The following NGEF variants were observed in gnomAD, a reference collection of about 807,000 sequenced individuals.
NGEF encodes ephexin-1.
NGEF carries 31 observed loss-of-function variants against 80.9 expected under a neutral mutation model. The ratio of observed to expected loss-of-function variants is 0.38; its 90% CI spans 0.29 to 0.52. The LOEUF is 0.52. Among genes scored for constraint, NGEF ranks in the 20% least tolerant of loss-of-function variants. The pLI is 0.84. For missense variants in NGEF, 709 were observed against 926.2 expected, an observed-to-expected ratio of 0.77 and a Z score of 3.04; for synonymous variants, 371 against 370.2, an observed-to-expected ratio of 1.00 and a Z score of -0.03.
chr2:232,906,235 C>T (rs1226471175), intron 5 of NGEF, among the ~76,000 whole-genome samples: 2 of 97,106 alleles, frequency 2.1e-5, no homozygotes, highest in African/African-American at 4.3e-5. Flanking sequence ...GTCAGCCCCC[C>T]GCCCGGCCAG....
chr2:232,910,069 T>C (rs1692659686), intron 5 of NGEF, among the ~76,000 whole-genome samples: 1 of 152,144 alleles, frequency 6.6e-6, no homozygotes, highest in Non-Finnish European at 1.5e-5. Flanking sequence ...GCAATTTTGG[T>C]CTCCAGGGGA....
chr2:232,894,012 C>T (rs920321086), intron 6 of NGEF, among the ~76,000 whole-genome samples: 5 of 152,186 alleles, frequency 3.3e-5, no homozygotes, highest in Non-Finnish European at 5.9e-5. Context: ...CTGCTCAGAG[C>T]GGGGCTGCGC....
At chr2:232,959,730 C>T (rs1160271138) in intron 3 of NGEF, among the ~76,000 whole-genome samples, 1 of 152,120 alleles carries the variant, frequency 6.6e-6, no homozygotes, top group Non-Finnish European at 1.5e-5. Flanking sequence ...CAGGCACGCG[C>T]CACCATGCCT....
intron 4 of NGEF, among the ~76,000 whole-genome samples, chr2:232,923,468 G>T (rs972260048): frequency 1.3e-5 from 2 of 152,138 alleles, no homozygotes; most frequent in Admixed American, 1.3e-4. Flanking sequence ...CAGTGCAGTG[G>T]CTCACGCCTG....
chr2:232,891,697 G>C (rs1691889881), intron 7 of NGEF, among the ~76,000 whole-genome samples: 1 of 152,248 alleles, frequency 6.6e-6, no homozygotes, highest in African/African-American at 2.4e-5. Flanking sequence ...TGGCCTTGAA[G>C]ACTTGGCACA....
chr2:232,893,499 C>G (rs954999412), intron 6 of NGEF, among the ~76,000 whole-genome samples: 2 of 152,134 alleles, frequency 1.3e-5, no homozygotes, highest in Non-Finnish European at 1.5e-5. Context: ...CAGGGCCAGG[C>G]GCAGTGGCTC....
chr2:232,971,044 C>A (rs75194704), intron 2 of NGEF, among the ~76,000 whole-genome samples: 2,660 of 148,592 alleles, frequency 0.018, 80 homozygotes, highest in African/African-American at 0.064. Context: ...ATAATAAGTC[C>A]AGTTAGCCTC....
rs150493492 is a variant in NGEF, at chr2:233,007,779, T to A, written c.-75+5289A>T. Among the ~76,000 whole-genome samples, 936 of 152,330 alleles carry A rather than the reference T, an allele frequency of 6.1e-3. 5 individuals are homozygous for A. Among genetic ancestry groups the A allele is most frequent in the Non-Finnish European group, 8.6e-3 (582 of 68,038 alleles). On this transcript the variant is annotated intron_variant, in intron 1 of 14. Transcript: ENST00000264051. Reference sequence around the variant, plus strand: ...GGAACCCAAGGTGGCCAATGGCGAATGACTTTGCTCTTGATTTAGGAATGC... The same window carrying A: ...GGAACCCAAGGTGGCCAATGGCGAAAGACTTTGCTCTTGATTTAGGAATGC...
intron 5 of NGEF, among the ~76,000 whole-genome samples, chr2:232,903,646 T>A (rs1692418612): frequency 6.6e-6 from 1 of 152,234 alleles, no homozygotes; most frequent in Admixed American, 6.5e-5. Context: ...TATTGGTATT[T>A]GCTTTCTAAC....
At chr2:232,973,905 T>C (rs1694242466) in intron 2 of NGEF, among the ~76,000 whole-genome samples, 1 of 152,144 alleles carries the variant, frequency 6.6e-6, no homozygotes, top group Non-Finnish European at 1.5e-5. Flanking sequence ...AGTCTCTGGA[T>C]TTAGCAGGGG....
At chr2:232,969,601 C>A (rs112580473) in intron 3 of NGEF, among the ~76,000 whole-genome samples, 1 of 150,666 alleles carries the variant, frequency 6.6e-6, no homozygotes. Context: ...CTCCACATCC[C>A]GGGTTCAATC....
chr2:232,989,434 G>T (rs560796560), intron 1 of NGEF, among the ~76,000 whole-genome samples: 3 of 152,184 alleles, frequency 2.0e-5, no homozygotes, highest in Non-Finnish European at 4.4e-5. Flanking sequence ...GCAACAGAGT[G>T]AGACTCTGCC....
chr2:232,953,107 G>A (rs189507752), intron 3 of NGEF, among the ~76,000 whole-genome samples: 1 of 151,226 alleles, frequency 6.6e-6, no homozygotes, highest in South Asian at 2.1e-4. Flanking sequence ...TTCGAGACCA[G>A]CCTGACCAAG....
chr2:232,891,920 G>A (rs1388694124), intron 7 of NGEF, among the ~76,000 whole-genome samples: 1 of 152,182 alleles, frequency 6.6e-6, no homozygotes. Flanking sequence ...GCGCTGATGA[G>A]GGCTGGGAGA....
At chr2:232,916,969 C>T (rs73102747) in intron 5 of NGEF, among the ~76,000 whole-genome samples, 5,713 of 152,302 alleles carry the variant, frequency 0.038, 384 homozygotes, top group African/African-American at 0.13. Context: ...ATCCACCAGG[C>T]GCTCAGGGCA....
intron 5 of NGEF, among the ~76,000 whole-genome samples, chr2:232,900,680 A>ACTCATATACAC (rs1692317089): frequency 7.8e-6 from 1 of 128,694 alleles, no homozygotes; most frequent in African/African-American, 3.5e-5. Context: ...ACACGCTCTC[A>ACTCATATACAC]GTCACTCATA....
At chr2:232,983,790 G>A (rs1300304875) in intron 1 of NGEF, among the ~76,000 whole-genome samples, 3 of 152,164 alleles carry the variant, frequency 2.0e-5, no homozygotes, top group Non-Finnish European at 2.9e-5. Flanking sequence ...TTTAACAATC[G>A]TAATTTCTAA....
At chr2:233,009,859 G>A (rs1248281232) in intron 1 of NGEF, among the ~76,000 whole-genome samples, 1 of 151,976 alleles carries the variant, frequency 6.6e-6, no homozygotes, top group Non-Finnish European at 1.5e-5. Flanking sequence ...GGCATCTTGG[G>A]TTGGGCCATC....
intron 9 of NGEF, among the ~76,000 whole-genome samples, chr2:232,886,480 T>G (rs1257130168): frequency 6.6e-6 from 1 of 152,236 alleles, no homozygotes; most frequent in African/African-American, 2.4e-5. Context: ...GGCGTCTGTT[T>G]AGGGCGAGCT....
Sources: gnomAD v4.1 joint callset for allele counts (sites outside exome capture counted in the v4.1 genomes callset) on GRCh38, gnomAD v4.1.1 for gene constraint, MANE v1.5 for transcripts, NCBI Gene and HGNC (gene_info 2026-07-23, HGNC 2026-07-21) for gene names.